The following NELL2 variants were observed in gnomAD, a reference collection of about 807,000 sequenced individuals.
NELL2 encodes protein kinase C-binding protein NELL2.
NELL2 carries 41 observed loss-of-function variants against 109.6 expected under a neutral mutation model. That is an observed-to-expected ratio of 0.37 (90% CI 0.29 to 0.49). The LOEUF is 0.49. NELL2 is among the 20% of genes least tolerant of loss of function. The pLI, the probability that NELL2 is intolerant of heterozygous loss-of-function variation, is 0.98. For synonymous variants in NELL2, 355 were observed against 344.7 expected, an observed-to-expected ratio of 1.03 and a Z score of -0.33; for missense variants, 900 against 1,008.3, an observed-to-expected ratio of 0.89 and a Z score of 1.45.
At chr12:44,642,356 G>C (rs554517906) in intron 13 of NELL2, among the ~76,000 whole-genome samples, 15 of 152,244 alleles carry the variant, frequency 9.9e-5, no homozygotes, top group Admixed American at 8.5e-4. Context: ...GGAAAAAAAA[G>C]TCAATACACA....
chr12:44,650,081 A>G (rs1302812244), intron 13 of NELL2, among the ~76,000 whole-genome samples: 1 of 152,208 alleles, frequency 6.6e-6, no homozygotes, highest in Non-Finnish European at 1.5e-5. Flanking sequence ...AAATTGTAAC[A>G]TATTCTCTTT....
chr12:44,627,074 G>A (rs763543752), intron 13 of NELL2, among the ~76,000 whole-genome samples: 31 of 152,172 alleles, frequency 2.0e-4, no homozygotes, highest in African/African-American at 7.2e-4. Context: ...CAAATTCAGT[G>A]GTCTGTAACA....
intron 3 of NELL2, among the ~76,000 whole-genome samples, chr12:44,791,903 T>C (rs991952063): frequency 1.3e-5 from 2 of 151,504 alleles, no homozygotes; most frequent in South Asian, 2.1e-4. Context: ...AACAGGCATA[T>C]AGACCACACT....
intron 2 of NELL2, among the ~76,000 whole-genome samples, chr12:44,861,378 C>T (rs1238152965): frequency 6.6e-6 from 1 of 152,182 alleles, no homozygotes; most frequent in Non-Finnish European, 1.5e-5. Context: ...AGTGCCAAAC[C>T]GGATCCCACA....
At chr12:44,554,270 A>G (rs1280418022) in intron 15 of NELL2, among the ~76,000 whole-genome samples, 11 of 152,340 alleles carry the variant, frequency 7.2e-5, no homozygotes, top group Admixed American at 6.5e-4. Flanking sequence ...CTATTTACAC[A>G]TGGATCTCTA....
intron 12 of NELL2, among the ~76,000 whole-genome samples, chr12:44,672,476 G>A (rs73100314): frequency 0.013 from 1,938 of 152,256 alleles, 17 homozygotes; most frequent in Non-Finnish European, 0.021. Context: ...CTGGTTCCGT[G>A]GAAAAATTGT....
At chr12:44,767,167 G>C (rs1271793624) in intron 9 of NELL2, among the ~76,000 whole-genome samples, 1 of 152,284 alleles carries the variant, frequency 6.6e-6, no homozygotes, top group East Asian at 1.9e-4. Context: ...TGAAGATGCA[G>C]AGCAGCAATT....
chr12:44,876,626 G>A (rs1279764277), upstream of NELL2: 1 of 1,551,180 alleles, frequency 6.4e-7, no homozygotes, highest in Non-Finnish European at 8.7e-7. Context: ...TCGGGCGCGT[G>A]TCTTGAAAGA....
intron 3 of NELL2, among the ~76,000 whole-genome samples, chr12:44,810,148 T>C (rs555387500): frequency 5.3e-5 from 8 of 152,154 alleles, no homozygotes; most frequent in Non-Finnish European, 1.2e-4. Context: ...GTACTCATAA[T>C]AACCTTTCTC....
chr12:44,845,373 G>A (rs2136761525), intron 2 of NELL2, among the ~76,000 whole-genome samples: 1 of 152,292 alleles, frequency 6.6e-6, no homozygotes, highest in East Asian at 1.9e-4. Flanking sequence ...GAACTGTGCT[G>A]TTCAACACAG....
At chr12:44,556,690 T>C (rs991021992) in intron 15 of NELL2, among the ~76,000 whole-genome samples, 1 of 152,174 alleles carries the variant, frequency 6.6e-6, no homozygotes, top group Admixed American at 6.5e-5. Flanking sequence ...TATAAACATG[T>C]TAACAAATCA....
At chr12:44,808,222 T>G (rs941598515) in intron 3 of NELL2, among the ~76,000 whole-genome samples, 1 of 152,094 alleles carries the variant, frequency 6.6e-6, no homozygotes, top group Admixed American at 6.6e-5. Flanking sequence ...GCTTCTTTAG[T>G]GTGAAACGGG....
At chr12:44,835,855 T>C (rs1944038360) in intron 2 of NELL2, among the ~76,000 whole-genome samples, 1 of 152,176 alleles carries the variant, frequency 6.6e-6, no homozygotes, top group Admixed American at 6.5e-5. Context: ...AAGCCAGACA[T>C]TCAGTGTCTA....
chr12:44,556,102 T>C (rs893537393), intron 15 of NELL2, among the ~76,000 whole-genome samples: 1 of 152,198 alleles, frequency 6.6e-6, no homozygotes, highest in African/African-American at 2.4e-5. Context: ...AGGGGTACAG[T>C]CTCTTTAATT....
chr12:44,565,780 A>C (rs927965988), intron 15 of NELL2, among the ~76,000 whole-genome samples: 2 of 152,342 alleles, frequency 1.3e-5, no homozygotes, highest in Admixed American at 1.3e-4. Flanking sequence ...AACAATTCTC[A>C]GTTACAGATT....
chr12:44,695,825 T>C (rs1326565226), intron 12 of NELL2, among the ~76,000 whole-genome samples: 1 of 151,812 alleles, frequency 6.6e-6, no homozygotes, highest in Admixed American at 6.6e-5. Context: ...AATAAAAAAA[T>C]AAAAATAAAT....
At chr12:44,868,531 T>A (rs1276763289) in intron 2 of NELL2, among the ~76,000 whole-genome samples, 1 of 152,206 alleles carries the variant, frequency 6.6e-6, no homozygotes, top group Non-Finnish European at 1.5e-5. Flanking sequence ...AAATGTGGTA[T>A]ATGTACACAA....
In NELL2 at chr12:44,899,674, G is replaced by A. The variant is rs1422722154; in HGVS notation, c.38+14125C>T. Among the ~76,000 whole-genome samples, 12 of 151,900 alleles carry A rather than the reference G, an allele frequency of 7.9e-5. No individual in the cohort carries two copies. In the South Asian group the frequency reaches 2.3e-3, roughly 29 times the overall value. ...CTGCAGAAACATAGCAAAATGTAAA[G>A]CATCGACACTATGAAGAAACTGCAT... is the stretch of plus-strand genomic sequence containing the variant. On this transcript the variant is annotated intron_variant, in intron 1 of 20. Transcript: ENST00000333837.
chr12:44,624,084 T>C (rs1365451020), intron 13 of NELL2, among the ~76,000 whole-genome samples: 1 of 152,088 alleles, frequency 6.6e-6, no homozygotes, highest in Non-Finnish European at 1.5e-5. Context: ...TGTATACCCA[T>C]GTAACAAAAC....
Sources: allele counts gnomAD v4.1 joint callset (sites outside exome capture counted in the v4.1 genomes callset), GRCh38; gene constraint gnomAD v4.1.1; transcripts MANE v1.5; gene names NCBI Gene and HGNC (gene_info 2026-07-23, HGNC 2026-07-21).